CELF5: variants seen among roughly 807,000 people sequenced by gnomAD.
CELF5 encodes the protein CUGBP Elav-like family member 5.
A neutral mutation model predicts 54.9 loss-of-function variants in CELF5; 6 were observed. The observed-to-expected ratio is 0.11, with a 90% CI of 0.06 to 0.22. The LOEUF (loss-of-function observed/expected upper bound fraction) is 0.22. Ranked by LOEUF, CELF5 falls within the 10% of genes least tolerant of loss-of-function variation. CELF5 has a pLI of 1.00. For synonymous variants in CELF5, 271 were observed against 290.9 expected (o/e 0.93, Z 0.70); for missense variants, 401 against 678.6 (o/e 0.59, Z 4.54).
intron 1 of CELF5, among the ~76,000 whole-genome samples, chr19:3,226,694 C>G (rs962981620): frequency 2.0e-5 from 3 of 151,986 alleles, no homozygotes; most frequent in South Asian, 2.1e-4. Context: ...ATTGAAAGGC[C>G]GCTGGTTGAG....
At chr19:3,257,795 T>A (rs890713560) in intron 2 of CELF5, among the ~76,000 whole-genome samples, 2 of 119,810 alleles carry the variant, frequency 1.7e-5, no homozygotes, top group African/African-American at 5.8e-5. Context: ...TTTTATTTAT[T>A]TATTTATTTA....
chr19:3,283,177 AC>A (rs1405108236), intron 8 of CELF5, among the ~76,000 whole-genome samples: 1 of 152,182 alleles, frequency 6.6e-6, no homozygotes, highest in Non-Finnish European at 1.5e-5. Flanking sequence ...AGAATGAATG[AC>A]CCACTGATTT....
intron 2 of CELF5, 67 bp downstream of exon 2, chr19:3,251,134 A>ATCTCAGGAAGAGCCTT: frequency 5.8e-6 from 7 of 1,207,232 alleles, no homozygotes; most frequent in Non-Finnish European, 8.6e-6. Context: ...GTGGGAGCCA[A>ATCTCAGGAAGAGCCTT]GGCTCTTCCT....
In CELF5 at chr19:3,282,364, C is replaced by G; in HGVS notation, c.905C>G (p.Pro302Arg). Residue 302 changes from proline to arginine, a missense_variant, in exon 8 of 13, where the codon CCC (proline) becomes CGC (arginine). Physicochemically the swap from Pro to Arg is moderately radical, Grantham distance 103. Around this residue, in one of 6 missense-constraint regions of CELF5, gnomAD observed 143 missense variants for 147.6 expected, o/e 0.97. Transcript: ENST00000292672. The surrounding 1 kb of genome is among the most constrained non-coding windows in gnomAD (Gnocchi z 5.2). ...PIAPASGLHS[P>R]PLLGTTAVPG... ...TTCCGCTCTGCAGGGCTGCACTCAC[C>G]CCCGCTGCTGGGCACCACCGCTGTG... is the stretch of plus-strand genomic sequence containing the variant. 1 of 1,609,848 alleles carries G rather than the reference C, an allele frequency of 6.2e-7. No individual in the cohort carries two copies. The highest frequency in any genetic ancestry group is 8.5e-7 in the Non-Finnish European group (1 of 1,179,976).
intron 12 of CELF5, chr19:3,295,957 T>C (rs2080435316): frequency 6.6e-6 from 1 of 152,182 alleles, no homozygotes; most frequent in Non-Finnish European, 1.5e-5. Flanking sequence ...TAAGGTCTTG[T>C]AACCAGGATT....
chr19:3,273,779 G>A, intron 2 of CELF5, 93 bp from the exon 3 acceptor site: 2 of 869,860 alleles, frequency 2.3e-6, no homozygotes, highest in Non-Finnish European at 3.8e-6. Context: ...GGTGGGAGGT[G>A]GGCAGGGCTG....
At chr19:3,258,937 T>C (rs2079769493) in intron 2 of CELF5, among the ~76,000 whole-genome samples, 1 of 152,072 alleles carries the variant, frequency 6.6e-6, no homozygotes, top group Admixed American at 6.6e-5. Context: ...GGAGCCACCA[T>C]CTAACTCACT....
chr19:3,263,037 G>C (rs2079827201), intron 2 of CELF5, among the ~76,000 whole-genome samples: 1 of 151,962 alleles, frequency 6.6e-6, no homozygotes, highest in South Asian at 2.1e-4. Context: ...CCTGAGGTCA[G>C]GAGTTCGAGA....
intron 11 of CELF5, among the ~76,000 whole-genome samples, chr19:3,292,227 G>C (rs980127871): frequency 2.6e-5 from 4 of 151,600 alleles, no homozygotes; most frequent in South Asian, 2.1e-4. Flanking sequence ...AATTACAGAC[G>C]TGAACCACCA....
intron 1 of CELF5, among the ~76,000 whole-genome samples, chr19:3,237,368 G>A (rs1208510321): frequency 6.7e-6 from 1 of 148,710 alleles, no homozygotes. Context: ...ACTGCATAGA[G>A]CAGCCGCCTG....
Position 3,282,473 on chromosome 19 carries a change from T to C in CELF5, c.1014T>C (p.Tyr338=), listed in dbSNP as rs774648786. The C allele has an allele frequency of 1.9e-6, 3 of 1,613,700 alleles. No homozygotes were observed. Among genetic ancestry groups the C allele is most frequent in the East Asian group, 2.2e-5 (1 of 44,890 alleles). The change falls in exon 8 of 13, where the codon TAT becomes TAC. Residue 338 remains tyrosine (Y), a synonymous_variant. Coordinates refer to ENST00000292672, the MANE Select transcript of CELF5 (RefSeq NM_021938.4). The surrounding 1 kb of genome is among the most constrained non-coding windows in gnomAD (Gnocchi z 5.2). ...GGCACCCTGCCCTGGAAACCGTCTA[T>C]GCCAATGGCCTTGTGCCCTACCCAG... ...PGGHPALETV[Y]ANGLVPYPAQ...
Position 3,228,662 on chromosome 19 carries a change from T to G in CELF5, c.259+3664T>G, listed in dbSNP as rs1917072475. 3.1e-5 allele frequency among the ~76,000 whole-genome samples: 4 copies of G among 129,636 alleles called. No homozygotes were observed. Among genetic ancestry groups the G allele is most frequent in the East Asian group, 2.3e-4 (1 of 4,372 alleles). The allele number at this position is 129,636 out of a possible 152,430, so 85.0% of individuals were successfully genotyped here. On this transcript the variant is annotated intron_variant, in intron 1 of 12. Transcript: ENST00000292672. This position sits in a 1 kb window ranked among gnomAD's most constrained non-coding sequence, Gnocchi z 6.0. ...CCCGGGTGGGGGCCCGCGGTTTCCA[T>G]GGGAGCACCAGCTGCCGGCTCGACT...
At chr19:3,251,706 G>A (rs1017468520) in intron 2 of CELF5, among the ~76,000 whole-genome samples, 3 of 125,106 alleles carry the variant, frequency 2.4e-5, no homozygotes, top group Non-Finnish European at 3.1e-5. Context: ...ATGGAGTCTC[G>A]CTTTGTCACC....
intron 1 of CELF5, among the ~76,000 whole-genome samples, chr19:3,239,253 C>T (rs2079457753): frequency 6.6e-6 from 1 of 151,886 alleles, no homozygotes; most frequent in South Asian, 2.1e-4. Flanking sequence ...GTGTGAACCA[C>T]CACACCCAGC....
intron 1 of CELF5, among the ~76,000 whole-genome samples, chr19:3,249,246 G>A (rs1484036357): frequency 6.6e-6 from 1 of 152,052 alleles, no homozygotes; most frequent in Non-Finnish European, 1.5e-5. Flanking sequence ...CATTTCACAG[G>A]TCCCCAGACA....
At chr19:3,290,451 T>A (rs2080324527) in intron 11 of CELF5, 77 bp downstream of exon 11, 1 of 1,546,888 alleles carries the variant, frequency 6.5e-7, no homozygotes, top group Non-Finnish European at 8.9e-7. Flanking sequence ...AGGGTTTTGG[T>A]CGGCCTCGGG....
At chr19:3,271,594 G>A (rs962052548) in intron 2 of CELF5, among the ~76,000 whole-genome samples, 4 of 152,118 alleles carry the variant, frequency 2.6e-5, no homozygotes, top group Non-Finnish European at 4.4e-5. Context: ...ATATGTGCCC[G>A]GGACATACAC....
chr19:3,285,914 G>C, intron 9 of CELF5, 28 bp from the exon 10 acceptor site: 2 of 1,417,140 alleles, frequency 1.4e-6, no homozygotes, highest in South Asian at 1.5e-5. Context: ...GCCCCTCCTC[G>C]CCCTGTGTCT....
chr19:3,280,072 G>A (rs1377107830), intron 5 of CELF5, among the ~76,000 whole-genome samples: 1 of 152,176 alleles, frequency 6.6e-6, no homozygotes, highest in Non-Finnish European at 1.5e-5. Context: ...GACACTCCCT[G>A]GCTCACCGCT....
Sources: allele counts gnomAD v4.1 joint callset (sites outside exome capture counted in the v4.1 genomes callset), GRCh38; gene constraint gnomAD v4.1.1; regional missense constraint gnomAD v4.1.1; non-coding constraint Gnocchi (gnomAD v3.1); transcripts MANE v1.5; gene names NCBI Gene and HGNC (gene_info 2026-07-23, HGNC 2026-07-21).